The following SGK1 variants were observed in gnomAD, a reference collection of about 807,000 sequenced individuals.
SGK1 encodes serine/threonine-protein kinase Sgk1.
SGK1 carries 26 observed loss-of-function variants against 64.2 expected under a neutral mutation model. That is an observed-to-expected ratio of 0.40 (90% CI 0.30 to 0.56). The LOEUF (loss-of-function observed/expected upper bound fraction) is 0.56, where lower values mean the gene tolerates loss of function less well. Among genes scored for constraint, SGK1 ranks in the 20% least tolerant of loss-of-function variants. The pLI is 0.38. For synonymous variants in SGK1, 265 were observed against 239.7 expected, an observed-to-expected ratio of 1.11 and a Z score of -0.98; for missense variants, 519 against 645.6, an observed-to-expected ratio of 0.80 and a Z score of 2.12.
chr6:134,172,918 G>A lies in SGK1; in HGVS notation c.834+105C>T. On this transcript the variant is annotated intron_variant, in intron 8 of 13. Coordinates refer to ENST00000367858, the MANE Select transcript of SGK1 (RefSeq NM_001143676.3). The stretch of plus-strand genomic sequence containing the variant: ...ACAGGTTGAAGGAAATGCTAATTCT[G>A]GTAACATTCTCCCCACCAAAAATCT... The A allele has an allele frequency of 4.4e-6, 6 of 1,349,156 alleles. No individual in the cohort carries two copies. In the South Asian group the frequency reaches 5.2e-5, roughly 12 times the overall value. The allele number at this position is 1,349,156 out of a possible 1,614,324, so 83.6% of individuals were successfully genotyped here. A position where few individuals can be genotyped will look rare whatever the true frequency, so the allele number is the denominator to read the frequency against.
intron 2 of SGK1, among the ~76,000 whole-genome samples, chr6:134,238,768 A>G (rs1416894038): frequency 6.6e-6 from 1 of 152,196 alleles, no homozygotes; most frequent in Non-Finnish European, 1.5e-5. Context: ...AGTGCATTCT[A>G]CCGACTAACA....
chr6:134,252,645 C>T (rs1367735583), intron 2 of SGK1, among the ~76,000 whole-genome samples: 2 of 137,120 alleles, frequency 1.5e-5, no homozygotes, highest in Non-Finnish European at 3.1e-5. Context: ...AAAAAAGCCG[C>T]AGACAGGATT....
At chr6:134,188,913 T>C (rs1329399266) in intron 3 of SGK1, among the ~76,000 whole-genome samples, 13 of 145,376 alleles carry the variant, frequency 8.9e-5, no homozygotes, top group Admixed American at 2.7e-4. Context: ...TTTTTCTTTT[T>C]TTTTTTTTTT....
chr6:134,241,298 C>T (rs111730112), intron 2 of SGK1, among the ~76,000 whole-genome samples: 124 of 152,268 alleles, frequency 8.1e-4, no homozygotes, highest in African/African-American at 2.8e-3. Context: ...GATCTGCTGC[C>T]TTGGCCTCCC....
intron 3 of SGK1, chr6:134,175,979 A>C: frequency 9.0e-7 from 1 of 1,114,876 alleles, no homozygotes; most frequent in Non-Finnish European, 1.1e-6. Context: ...CTAAAGGAAG[A>C]AGTACAATCT....
At chr6:134,299,202 C>CA (rs35424584) in intron 1 of SGK1, among the ~76,000 whole-genome samples, 7,077 of 109,926 alleles carry the variant, frequency 0.064, 227 homozygotes, top group Non-Finnish European at 0.098. Flanking sequence ...AAAAAAATTA[C>CA]AAAAAAAAAA....
intron 2 of SGK1, chr6:134,260,581 A>G (rs1350538178): frequency 6.6e-6 from 1 of 152,014 alleles, no homozygotes; most frequent in Admixed American, 6.6e-5. Context: ...CTGAGGCAGA[A>G]GAATTACTTG....
rs894444003 is a variant in SGK1 at position 134,172,646 on chromosome 6, G to T, written c.947+16C>A. On this transcript the variant is annotated intron_variant, in intron 9 of 13. Transcript: ENST00000367858. ...TTTATACCAAAACTGGTAGCCTGAA[G>T]AGCTCTCAGGCTTACCTATAAACGA... 2.7e-6 allele frequency: 4 copies of T among 1,483,792 alleles called. No homozygotes were observed. The highest frequency in any genetic ancestry group is 1.4e-5 in the African/African-American group (1 of 72,430). The allele number at this position is 1,483,792 out of a possible 1,614,324, so 91.9% of individuals were successfully genotyped here.
rs749748729 is a variant in SGK1, at chr6:134,171,045, C to T, written c.1301G>A (p.Arg434Gln). ...CACGAAGTCATCCTTGGCCCCGAGC[C>T]GCTTTGTCCTGTCCTTCTGCAGGAG... ...EGLLQKDRTKRLGAKDDFMEI... is the reference protein window; with the variant it reads ...EGLLQKDRTKQLGAKDDFMEI... The change falls in exon 12 of 14, where the codon CGG becomes CAG. Residue 434 changes from arginine (R) to glutamine (Q), a missense_variant. Arg to Gln is a conservative substitution (Grantham distance 43). Coordinates refer to ENST00000367858, the MANE Select transcript of SGK1 (RefSeq NM_001143676.3). 3 of 1,614,016 alleles carry T rather than the reference C, an allele frequency of 1.9e-6. No homozygotes were observed. The highest frequency in any genetic ancestry group is 1.3e-5 in the African/African-American group (1 of 74,908).
chr6:134,316,743 CAAAAAAAA>C (rs141130901), intron 1 of SGK1, among the ~76,000 whole-genome samples: 37 of 39,296 alleles, frequency 9.4e-4, no homozygotes, highest in Non-Finnish European at 1.3e-3. Context: ...TGCTCTCTCC[CAAAAAAAA>C]AAAAAAAAAA....
At chr6:134,297,294 A>G in intron 1 of SGK1, 1 of 1,269,996 alleles carries the variant, frequency 7.9e-7, no homozygotes, top group Non-Finnish European at 1.1e-6. Flanking sequence ...GACGTTCATC[A>G]GCTCCTGGTA....
At chr6:134,189,542 C>T (rs1455476439) in intron 3 of SGK1, among the ~76,000 whole-genome samples, 1 of 152,156 alleles carries the variant, frequency 6.6e-6, no homozygotes, top group Non-Finnish European at 1.5e-5. Context: ...GTACTCTCTA[C>T]TTATTTAGAG....
At position 134,256,381 on chromosome 6, in the gene SGK1, T is replaced by C. The variant is rs189420469; in HGVS notation, c.285+5552A>G. Among the ~76,000 whole-genome samples, 32 of 152,254 alleles carry C rather than the reference T, an allele frequency of 2.1e-4. No homozygotes were observed. The East Asian group carries it at 2.5e-3, about 12-fold the overall frequency. ...AAGTGTGTGTGTGTCTGTGTGTGTG[T>C]GTGTATGTGTGTGTGTGTCATTTAA... On this transcript the variant is annotated intron_variant, in intron 2 of 13. Transcript: ENST00000367858.
intron 2 of SGK1, chr6:134,215,134 C>CTTTCTTTCTTT: frequency 1.0e-5 from 4 of 392,128 alleles, no homozygotes; most frequent in South Asian, 3.8e-5. Flanking sequence ...TTCTTTCTTT[C>CTTTCTTTCTTT]TTTTTTTTTT....
intron 9 of SGK1, 100 bp from the exon 10 acceptor site, chr6:134,172,416 T>C: frequency 8.3e-7 from 1 of 1,201,282 alleles, no homozygotes; most frequent in South Asian, 1.4e-5. Context: ...GCATTTTAGG[T>C]TCACTGTAGT....
At chr6:134,213,735 G>A (rs1775931563) in intron 2 of SGK1, among the ~76,000 whole-genome samples, 1 of 152,044 alleles carries the variant, frequency 6.6e-6, no homozygotes, top group African/African-American at 2.4e-5. Flanking sequence ...TTTGGCTCCT[G>A]GCTGAATCCA....
intron 1 of SGK1, among the ~76,000 whole-genome samples, chr6:134,290,195 A>C (rs139446344): frequency 3.4e-4 from 51 of 150,630 alleles, no homozygotes; most frequent in African/African-American, 1.1e-3. Context: ...ATGTTGGCAT[A>C]CATCTGTAGT....
At chr6:134,219,814 C>T (rs1446322206) in intron 2 of SGK1, among the ~76,000 whole-genome samples, 1 of 146,862 alleles carries the variant, frequency 6.8e-6, no homozygotes, top group African/African-American at 2.5e-5. Context: ...AGTCCCAGCA[C>T]TTTGGGAGGC....
intron 2 of SGK1, among the ~76,000 whole-genome samples, chr6:134,226,752 T>C (rs549406705): frequency 6.6e-6 from 1 of 152,288 alleles, no homozygotes; most frequent in Non-Finnish European, 1.5e-5. Flanking sequence ...GGTCTTGTTA[T>C]GTTGTCCAGC....
Sources: allele counts gnomAD v4.1 joint callset (sites outside exome capture counted in the v4.1 genomes callset), GRCh38; gene constraint gnomAD v4.1.1; transcripts MANE v1.5; gene names NCBI Gene and HGNC (gene_info 2026-07-23, HGNC 2026-07-21).